Variants in CPXM2 observed in about 807,000 individuals in gnomAD.
CPXM2 encodes the protein carboxypeptidase X, M14 family member 2.
CPXM2 carries 66 observed loss-of-function variants against 86.1 expected under a neutral mutation model. That is an observed-to-expected ratio of 0.77 (90% confidence interval 0.63 to 0.94). The LOEUF is 0.94. CPXM2 is among the 40% of genes least tolerant of loss of function. The pLI, the probability that CPXM2 is intolerant of heterozygous loss-of-function variation, is 0.00. For synonymous variants in CPXM2, 388 were observed against 400.2 expected, an observed-to-expected ratio of 0.97 and a Z score of 0.36; for missense variants, 948 against 1,026.3, an observed-to-expected ratio of 0.92 and a Z score of 1.04.
intron 2 of CPXM2, among the ~76,000 whole-genome samples, chr10:123,901,343 C>T (rs191704794): frequency 2.6e-5 from 4 of 152,076 alleles, no homozygotes; most frequent in Admixed American, 2.0e-4. Flanking sequence ...CATGCTGAGA[C>T]CCAGTGTTTT....
chr10:123,891,051 A>T lies in CPXM2; in HGVS notation c.304+305T>A, dbSNP rs1484649043. Among the ~76,000 whole-genome samples, 1 of 152,252 alleles carries T rather than the reference A, an allele frequency of 6.6e-6. No individual in the cohort carries two copies. The highest frequency in any genetic ancestry group is 1.5e-5 in the Non-Finnish European group (1 of 68,040). On this transcript the variant is annotated intron_variant, in intron 1 of 13. Coordinates refer to ENST00000241305, the MANE Select transcript of CPXM2 (RefSeq NM_198148.3). This position sits in a 1 kb window ranked among gnomAD's most constrained non-coding sequence, Gnocchi z 5.6. ...CATCCAGCAGAAAGACCCTTAGCTC[A>T]GGGGATTTCAAGCTTGAAACAAGAA...
At position 123,786,202 on chromosome 10, in the gene CPXM2, T is replaced by C. The variant is rs566184009; in HGVS notation, c.890-5947A>G. ...CTATTGTTCACTGAACACTGCTACATGCCCAGCACTGTGTGAGATGCTGGG... is the reference window on the plus strand; with the variant it reads ...CTATTGTTCACTGAACACTGCTACACGCCCAGCACTGTGTGAGATGCTGGG... On this transcript the variant is annotated intron_variant, in intron 6 of 13. Coordinates refer to ENST00000241305, the MANE Select transcript of CPXM2 (RefSeq NM_198148.3). Among the ~76,000 whole-genome samples, 16 of 152,300 alleles carry C rather than the reference T, an allele frequency of 1.1e-4. No homozygotes were observed. The East Asian group carries it at 2.9e-3, about 28-fold the overall frequency.
At chr10:123,793,299 C>T (rs1032779937) in intron 6 of CPXM2, among the ~76,000 whole-genome samples, 2 of 151,742 alleles carry the variant, frequency 1.3e-5, no homozygotes, top group Non-Finnish European at 2.9e-5. Flanking sequence ...CCCATCTCTA[C>T]TAAAAATACA....
intron 2 of CPXM2, among the ~76,000 whole-genome samples, chr10:123,902,660 C>G (rs1034254248): frequency 6.6e-6 from 1 of 152,148 alleles, no homozygotes; most frequent in African/African-American, 2.4e-5. Flanking sequence ...CCTTGGGCCT[C>G]TTTATAAGGG....
At chr10:123,934,064 C>A (rs1386953245) in intron 2 of CPXM2, among the ~76,000 whole-genome samples, 1 of 152,074 alleles carries the variant, frequency 6.6e-6, no homozygotes, top group Non-Finnish European at 1.5e-5. Flanking sequence ...GTCCTCTTCA[C>A]TTTTGTAATG....
intron 3 of CPXM2, among the ~76,000 whole-genome samples, chr10:123,852,621 G>A (rs1317089900): frequency 6.6e-6 from 1 of 152,186 alleles, no homozygotes; most frequent in Non-Finnish European, 1.5e-5. Flanking sequence ...ACGGCTAAAA[G>A]CTGAAGTCCT....
At chr10:123,837,651 G>A (rs939410042) in intron 4 of CPXM2, among the ~76,000 whole-genome samples, 4 of 152,080 alleles carry the variant, frequency 2.6e-5, no homozygotes, top group African/African-American at 9.7e-5. Flanking sequence ...ATGCAGTAGG[G>A]AAGGATATTT....
Position 123,771,842 on chromosome 10 carries a change from C to T in CPXM2, c.979-803G>A, listed in dbSNP as rs919263256. Among the ~76,000 whole-genome samples, 7 of 152,302 alleles carry T rather than the reference C, an allele frequency of 4.6e-5. No individual in the cohort carries two copies. The East Asian group carries it at 1.3e-3, about 29-fold the overall frequency. On this transcript the variant is annotated intron_variant, in intron 7 of 13. Coordinates refer to ENST00000241305, the MANE Select transcript of CPXM2 (RefSeq NM_198148.3). ...TTTTATTAAGGGGCTTCCCCCTTCACTCAGCACTCATTCTGTCTCCTGATG... is the reference window on the plus strand; with the variant it reads ...TTTTATTAAGGGGCTTCCCCCTTCATTCAGCACTCATTCTGTCTCCTGATG...
chr10:123,891,316 C>T lies in CPXM2; in HGVS notation c.304+40G>A, dbSNP rs1370783743. On this transcript the variant is annotated intron_variant, in intron 1 of 13. Coordinates refer to ENST00000241305, the MANE Select transcript of CPXM2 (RefSeq NM_198148.3). This position sits in a 1 kb window ranked among gnomAD's most constrained non-coding sequence, Gnocchi z 5.6. ...TTGTCCCCTGGAGGCGCGCAACCAC[C>T]GGCGCCCCCTCGGGCTGCCCAGCGC... 14 of 1,433,760 alleles carry T rather than the reference C, an allele frequency of 9.8e-6. No homozygotes were observed. The highest frequency in any genetic ancestry group is 1.3e-5 in the Non-Finnish European group (14 of 1,083,928). The allele number at this position is 1,433,760 out of a possible 1,614,324, so 88.8% of individuals were successfully genotyped here.
At chr10:123,789,625 T>C (rs991404564) in intron 6 of CPXM2, among the ~76,000 whole-genome samples, 1 of 152,178 alleles carries the variant, frequency 6.6e-6, no homozygotes, top group African/African-American at 2.4e-5. Flanking sequence ...GAACCAGCAC[T>C]CAAAGAATTT....
At chr10:123,785,372 AAC>A (rs1479707741) in intron 6 of CPXM2, among the ~76,000 whole-genome samples, 1 of 152,098 alleles carries the variant, frequency 6.6e-6, no homozygotes, top group South Asian at 2.1e-4. Context: ...TCCTCCTCTG[AAC>A]ACACTCTATT....
At chr10:123,894,779 A>G (rs555116364), upstream of CPXM2, among the ~76,000 whole-genome samples, 2 of 152,152 alleles carry the variant, frequency 1.3e-5, no homozygotes, top group South Asian at 2.1e-4. Context: ...CATGGCACAC[A>G]TTCTTTAATC....
chr10:123,916,779 T>C (rs1229043452), intron 2 of CPXM2, among the ~76,000 whole-genome samples: 1 of 59,816 alleles, frequency 1.7e-5, no homozygotes, highest in Admixed American at 1.8e-4. Flanking sequence ...TCTCTCTCTC[T>C]TTTTTTTTTT....
In CPXM2 at chr10:123,768,536, G is replaced by T. The variant is rs774140430; in HGVS notation, c.1289C>A (p.Ala430Asp). Reference sequence around the variant, plus strand: ...GGCCAGGGCCATTACCCCTTCGTAGGCCTTCTCGTAGCCATCGGGGTTGAG... The same window carrying T: ...GGCCAGGGCCATTACCCCTTCGTAGTCCTTCTCGTAGCCATCGGGGTTGAG... ...PSLNPDGYEK[A>D]YEGGSELGGW... The change falls in exon 9 of 14, where the codon GCC becomes GAC. Residue 430 changes from alanine to aspartate, a missense_variant. Transcript: ENST00000241305. 1.9e-6 allele frequency: 3 copies of T among 1,613,022 alleles called. No individual in the cohort carries two copies. Among genetic ancestry groups the T allele is most frequent in the Non-Finnish European group, 2.5e-6 (3 of 1,179,448 alleles).
chr10:123,763,691 T>G (rs1846400818), intron 10 of CPXM2, among the ~76,000 whole-genome samples: 1 of 152,156 alleles, frequency 6.6e-6, no homozygotes, highest in Non-Finnish European at 1.5e-5. Context: ...TTCACTTCAA[T>G]ATGGCGATCT....
intron 4 of CPXM2, among the ~76,000 whole-genome samples, chr10:123,800,028 G>GTTTTTTTTT (rs530876054): frequency 9.1e-6 from 1 of 109,610 alleles, no homozygotes; most frequent in East Asian, 2.7e-4. Context: ...TAGTTTTTTG[G>GTTTTTTTTT]TTTTTTTTTT....
At chr10:123,787,859 C>T (rs75469587) in intron 6 of CPXM2, among the ~76,000 whole-genome samples, 2,249 of 152,182 alleles carry the variant, frequency 0.015, 53 homozygotes, top group African/African-American at 0.052. Context: ...CCGGGGATGG[C>T]GGAGGGGCTG....
intron 6 of CPXM2, among the ~76,000 whole-genome samples, chr10:123,783,281 T>C (rs960857709): frequency 6.6e-6 from 1 of 152,244 alleles, no homozygotes; most frequent in Non-Finnish European, 1.5e-5. Flanking sequence ...TTCAATTTAC[T>C]CTATGGATTC....
chr10:123,768,261 C>A (rs1440399530), intron 9 of CPXM2, among the ~76,000 whole-genome samples: 1 of 152,068 alleles, frequency 6.6e-6, no homozygotes, highest in East Asian at 1.9e-4. Context: ...GGCCGTAATC[C>A]CAGCTACTTA....
Sources: gnomAD v4.1 joint callset for allele counts (sites outside exome capture counted in the v4.1 genomes callset) on GRCh38, gnomAD v4.1.1 for gene constraint, Gnocchi (gnomAD v3.1) non-coding constraint, MANE v1.5 for transcripts, NCBI Gene and HGNC (gene_info 2026-07-23, HGNC 2026-07-21) for gene names.